Variants in THNSL1 observed in about 807,000 individuals in gnomAD.
The protein encoded by THNSL1 is threonine synthase-like 1.
In THNSL1, 48 loss-of-function variants were observed where a neutral mutation model predicts 50.4. The observed-to-expected ratio is 0.95, with a 90% CI of 0.76 to 1.21. THNSL1 has a LOEUF of 1.21. Among genes scored for constraint, THNSL1 ranks in the 50% most tolerant of loss-of-function variants. The pLI, the probability that THNSL1 is intolerant of heterozygous loss-of-function variation, is 0.00. For missense variants in THNSL1, 896 were observed against 871.7 expected (o/e 1.03, Z -0.35); for synonymous variants, 309 against 306.1 (o/e 1.01, Z -0.10).
chr10:24,984,357 T>G, the THNSL1 span: 2 of 1,594,010 alleles, frequency 1.3e-6, no homozygotes, highest in Non-Finnish European at 1.7e-6. Context: ...TTTTCAAAGT[T>G]GTGCTGTTGG....
chr10:24,958,149 A>C, the THNSL1 span, among the ~76,000 whole-genome samples: 3 of 152,112 alleles, frequency 2.0e-5, no homozygotes, highest in African/African-American at 7.2e-5. Context: ...GGAAATACAG[A>C]AAGGCAGTTA....
chr10:25,014,485 C>T (rs896752985), upstream of THNSL1, among the ~76,000 whole-genome samples: 3 of 151,696 alleles, frequency 2.0e-5, no homozygotes, highest in Admixed American at 2.0e-4. Flanking sequence ...TTAATGCTTG[C>T]CAAATGAATA....
chr10:24,959,247 G>A, the THNSL1 span, among the ~76,000 whole-genome samples: 1 of 152,212 alleles, frequency 6.6e-6, no homozygotes. Flanking sequence ...AGCTAGAATG[G>A]GAATGGAGCT....
the THNSL1 span, among the ~76,000 whole-genome samples, chr10:25,006,018 ATAAAG>A: frequency 3.3e-5 from 5 of 152,258 alleles, no homozygotes; most frequent in Admixed American, 2.0e-4. Context: ...AATAAACTAC[ATAAAG>A]TAAATTTTTC....
At chr10:24,984,603 C>G in the THNSL1 span, 1 of 1,078,672 alleles carries the variant, frequency 9.3e-7, no homozygotes, top group Non-Finnish European at 1.3e-6. Flanking sequence ...TGCATATTGC[C>G]TAAGCATTCT....
chr10:24,963,969 G>A, the THNSL1 span, among the ~76,000 whole-genome samples: 29 of 152,048 alleles, frequency 1.9e-4, no homozygotes, highest in South Asian at 5.2e-3. Context: ...TTTGTAAAAC[G>A]CCATGAATTT....
At chr10:24,994,798 G>C in the THNSL1 span, among the ~76,000 whole-genome samples, 2 of 151,980 alleles carry the variant, frequency 1.3e-5, no homozygotes, top group African/African-American at 4.8e-5. Context: ...GAGGTGGGTG[G>C]ATCACTTGAG....
the THNSL1 span, among the ~76,000 whole-genome samples, chr10:25,004,387 C>A: frequency 1.3e-5 from 2 of 152,298 alleles, no homozygotes; most frequent in East Asian, 3.9e-4. Context: ...AATTTACACT[C>A]CCATCAGCAG....
the THNSL1 span, among the ~76,000 whole-genome samples, chr10:24,981,557 A>T: frequency 6.6e-6 from 1 of 152,186 alleles, no homozygotes; most frequent in African/African-American, 2.4e-5. Flanking sequence ...TATTGATGGT[A>T]TGTTAATGGG....
Position 25,024,888 on chromosome 10 carries a change from AC to A in THNSL1, c.1666del (p.Leu556Ter). ...TGHYDLRERK[L>X]AQTFSPSIDI... ...GACATTATGATCTAAGGGAAAGAAA[AC>A]TAGCACAAACCTTTTCACCGTCAAT... On this transcript the variant is annotated frameshift_variant, in exon 3 of 3. Transcript: ENST00000376356. LOFTEE classifies it high-confidence loss of function. The A allele has an allele frequency of 6.2e-7, 1 of 1,613,996 alleles. No individual in the cohort carries two copies. Among genetic ancestry groups the A allele is most frequent in the Non-Finnish European group, 8.5e-7 (1 of 1,180,018 alleles).
At chr10:24,963,474 T>C in the THNSL1 span, among the ~76,000 whole-genome samples, 1 of 152,214 alleles carries the variant, frequency 6.6e-6, no homozygotes, top group Admixed American at 6.5e-5. Context: ...AGTAGCAGAC[T>C]TTTTAAAATG....
chr10:24,969,646 A>G, the THNSL1 span, among the ~76,000 whole-genome samples: 1 of 152,184 alleles, frequency 6.6e-6, no homozygotes, highest in Non-Finnish European at 1.5e-5. Flanking sequence ...CAAAACGGCT[A>G]CTTAAGTGCT....
chr10:24,981,008 C>A, the THNSL1 span, among the ~76,000 whole-genome samples: 1 of 152,250 alleles, frequency 6.6e-6, no homozygotes, highest in Admixed American at 6.5e-5. Context: ...GCGTGAGCCA[C>A]CGCACCTGGC....
the THNSL1 span, among the ~76,000 whole-genome samples, chr10:24,959,648 C>T: frequency 1.3e-5 from 2 of 151,764 alleles, no homozygotes; most frequent in Non-Finnish European, 2.9e-5. Context: ...AAGACTGTTG[C>T]AAAATGCAAT....
chr10:25,002,742 T>G, the THNSL1 span, among the ~76,000 whole-genome samples: 1 of 152,202 alleles, frequency 6.6e-6, no homozygotes, highest in Non-Finnish European at 1.5e-5. Flanking sequence ...TTTTTTCCTT[T>G]TAGGAGCCTT....
chr10:24,981,629 T>G, the THNSL1 span, among the ~76,000 whole-genome samples: 1 of 152,200 alleles, frequency 6.6e-6, no homozygotes, highest in Non-Finnish European at 1.5e-5. Flanking sequence ...AGTCATAGTA[T>G]TAAGTTGTCT....
the THNSL1 span, among the ~76,000 whole-genome samples, chr10:25,005,268 T>A: frequency 2.0e-5 from 3 of 152,226 alleles, no homozygotes; most frequent in Admixed American, 1.3e-4. Flanking sequence ...ATTCTCAAAC[T>A]AAAATTGTCA....
At chr10:24,990,967 G>A in the THNSL1 span, among the ~76,000 whole-genome samples, 5 of 152,204 alleles carry the variant, frequency 3.3e-5, no homozygotes, top group East Asian at 9.6e-4. Flanking sequence ...AGGCATCGTG[G>A]CATGTGCCAG....
the THNSL1 span, among the ~76,000 whole-genome samples, chr10:24,980,691 CA>C: frequency 1.3e-5 from 2 of 151,964 alleles, no homozygotes; most frequent in African/African-American, 4.8e-5. Context: ...CTGTTTTAGC[CA>C]AAGTACCTGT....
Sources: gnomAD v4.1 joint callset for allele counts (sites outside exome capture counted in the v4.1 genomes callset) on GRCh38, gnomAD v4.1.1 for gene constraint, MANE v1.5 for transcripts, NCBI Gene and HGNC (gene_info 2026-07-23, HGNC 2026-07-21) for gene names.